LARGE1: variants seen among roughly 807,000 people sequenced by gnomAD.
LARGE1 encodes the protein LARGE xylosyl- and glucuronyltransferase 1.
A neutral mutation model predicts 87.6 loss-of-function variants in LARGE1; 43 were observed. The observed-to-expected ratio is 0.49, with a 90% CI of 0.38 to 0.63. LARGE1 has a LOEUF of 0.63. Among genes scored for constraint, LARGE1 ranks in the 30% least tolerant of loss-of-function variants. The pLI, the probability that LARGE1 is intolerant of heterozygous loss-of-function variation, is 0.00. For missense variants in LARGE1, 802 were observed against 1,000.2 expected (o/e 0.80, Z 2.67); for synonymous variants, 434 against 394.6 (o/e 1.10, Z -1.18).
At chr22:33,748,699 A>G (rs903030917) in intron 2 of LARGE1, among the ~76,000 whole-genome samples, 1 of 152,266 alleles carries the variant, frequency 6.6e-6, no homozygotes, top group Non-Finnish European at 1.5e-5. Flanking sequence ...TAAACTCTGC[A>G]TCAGAGGATG....
intron 1 of LARGE1, among the ~76,000 whole-genome samples, chr22:33,813,555 T>G (rs2086563735): frequency 6.6e-6 from 1 of 151,904 alleles, no homozygotes; most frequent in Admixed American, 6.6e-5. Context: ...AATGTTGAAG[T>G]CTTACTCATT....
At chr22:33,795,923 C>T (rs532407477) in intron 1 of LARGE1, among the ~76,000 whole-genome samples, 150 of 150,966 alleles carry the variant, frequency 9.9e-4, no homozygotes, top group South Asian at 2.1e-3. Flanking sequence ...GGGTGCAGCA[C>T]ACCAAAATGG....
rs539659140 is a variant in LARGE1 at position 33,185,413 on chromosome 22, G to A, written c.1731-18581C>T. On this transcript the variant is annotated intron_variant, in intron 11 of 11. Coordinates refer to the LARGE1 transcript ENST00000608642. ...CAAGGATTAAGGTGATAAGAGGGAT[G>A]AATTGGTGAAACATGAAGGATTTTT... Among the ~76,000 whole-genome samples the A allele has an allele frequency of 7.6e-4, 116 of 152,246 alleles. 2 individuals carry two copies. The highest frequency in any genetic ancestry group is 2.6e-3 in the African/African-American group (107 of 41,558).
At chr22:33,458,739 T>C (rs1269622934) in intron 6 of LARGE1, among the ~76,000 whole-genome samples, 1 of 152,200 alleles carries the variant, frequency 6.6e-6, no homozygotes, top group Non-Finnish European at 1.5e-5. Context: ...ATTTTTACTT[T>C]TTTATTAGGA....
the LARGE1 span, among the ~76,000 whole-genome samples, chr22:33,153,926 A>G: frequency 6.6e-6 from 1 of 152,160 alleles, no homozygotes; most frequent in African/African-American, 2.4e-5. Flanking sequence ...TCATTCTCTA[A>G]GTTTGGTTGT....
chr22:33,764,180 C>T (rs2084826041), intron 1 of LARGE1, among the ~76,000 whole-genome samples: 1 of 152,048 alleles, frequency 6.6e-6, no homozygotes, highest in Non-Finnish European at 1.5e-5. Flanking sequence ...TCTACTCCCA[C>T]ATTTCCCCCA....
chr22:33,102,216 T>G, the LARGE1 span, among the ~76,000 whole-genome samples: 7 of 151,632 alleles, frequency 4.6e-5, no homozygotes, highest in Non-Finnish European at 1.0e-4. Context: ...GTCACCAGTC[T>G]GGAGTGCAGT....
chr22:33,535,335 G>C (rs1340562838), intron 6 of LARGE1, among the ~76,000 whole-genome samples: 1 of 152,264 alleles, frequency 6.6e-6, no homozygotes, highest in Middle Eastern at 3.4e-3. Flanking sequence ...CCGGAGGTCA[G>C]GAGTTTGAGA....
At chr22:33,766,951 T>TATAC (rs1556034787) in intron 1 of LARGE1, among the ~76,000 whole-genome samples, 5 of 40,596 alleles carry the variant, frequency 1.2e-4, no homozygotes, top group Admixed American at 3.8e-4. Context: ...TATATATATA[T>TATAC]ATATATATAT....
intron 9 of LARGE1, among the ~76,000 whole-genome samples, chr22:33,343,992 C>T (rs764558927): frequency 9.9e-5 from 15 of 152,162 alleles, no homozygotes; most frequent in Non-Finnish European, 1.8e-4. Context: ...GCATCCAGCA[C>T]GGGAGAAAGA....
At chr22:33,480,908 G>T (rs2148198131) in intron 6 of LARGE1, among the ~76,000 whole-genome samples, 1 of 152,070 alleles carries the variant, frequency 6.6e-6, no homozygotes, top group African/African-American at 2.4e-5. Flanking sequence ...CACATTTTAT[G>T]TATGATTTCC....
intron 12 of LARGE1, among the ~76,000 whole-genome samples, chr22:33,297,421 C>CA (rs1432170578): frequency 6.6e-6 from 1 of 151,680 alleles, no homozygotes. Context: ...CCAGCCTGGC[C>CA]AACACGGCAA....
At chr22:33,792,654 T>A (rs1237534686) in intron 1 of LARGE1, among the ~76,000 whole-genome samples, 1 of 151,642 alleles carries the variant, frequency 6.6e-6, no homozygotes, top group Non-Finnish European at 1.5e-5. Context: ...CAAACCAGAA[T>A]AATCAAGTCA....
chr22:33,581,147 T>C (rs1192171938), intron 5 of LARGE1, among the ~76,000 whole-genome samples: 1 of 152,218 alleles, frequency 6.6e-6, no homozygotes, highest in Non-Finnish European at 1.5e-5. Context: ...CATAGGAAAC[T>C]AAGACTTAGA....
At chr22:33,224,957 A>G (rs188857355) in intron 11 of LARGE1, among the ~76,000 whole-genome samples, 1 of 152,356 alleles carries the variant, frequency 6.6e-6, no homozygotes, top group Admixed American at 6.5e-5. Context: ...TGCTTAGGTG[A>G]GCACAGACCC....
intron 2 of LARGE1, chr22:33,750,968 C>A (rs1374472353): frequency 1.3e-5 from 2 of 152,192 alleles, no homozygotes; most frequent in Non-Finnish European, 1.5e-5. Flanking sequence ...CAAAGCCCAA[C>A]AATGACATAG....
intron 5 of LARGE1, among the ~76,000 whole-genome samples, chr22:33,571,286 A>C (rs182996667): frequency 6.6e-6 from 1 of 152,292 alleles, no homozygotes; most frequent in East Asian, 1.9e-4. Context: ...TTCTTGAAGA[A>C]GCTGCCAATT....
At chr22:33,067,564 T>C in the LARGE1 span, among the ~76,000 whole-genome samples, 80,236 of 152,056 alleles carry the variant, frequency 0.53, 22,448 homozygotes, top group African/African-American at 0.72. Flanking sequence ...AAGATAGAGA[T>C]GTATGGGCTC....
At chr22:33,390,887 G>A (rs556225130) in intron 7 of LARGE1, among the ~76,000 whole-genome samples, 1 of 152,088 alleles carries the variant, frequency 6.6e-6, no homozygotes, top group South Asian at 2.1e-4. Flanking sequence ...AAGAGAGAAG[G>A]GGTTTCACCA....
Sources: gnomAD v4.1 joint callset for allele counts (sites outside exome capture counted in the v4.1 genomes callset) on GRCh38, gnomAD v4.1.1 for gene constraint, MANE v1.5 for transcripts, NCBI Gene and HGNC (gene_info 2026-07-23, HGNC 2026-07-21) for gene names.